Variants in ADAMTS14 observed in about 807,000 individuals in gnomAD.
The protein encoded by ADAMTS14 is A disintegrin and metalloproteinase with thrombospondin motifs 14.
In ADAMTS14, 100 loss-of-function variants were observed where a neutral mutation model predicts 128.6. The ratio of observed to expected loss-of-function variants is 0.78; its 90% CI spans 0.66 to 0.92. The LOEUF (loss-of-function observed/expected upper bound fraction) is 0.92. ADAMTS14 is among the 40% of genes least tolerant of loss of function. ADAMTS14 has a pLI of 0.00. For missense variants in ADAMTS14, 1,562 were observed against 1,658.6 expected (o/e 0.94, Z 1.01); for synonymous variants, 665 against 653.8 (o/e 1.02, Z -0.26).
chr10:70,760,497 C>A lies in ADAMTS14; in HGVS notation c.3316C>A (p.Pro1106Thr), dbSNP rs758015844. ...KASGPNPGPD[P>T]GPTSLPPFST... ...CTCGGGCCCCAACCCTGGCCCAGAC[C>A]CTGGCCCAACCTCACTGCCCCCCTT... Residue 1106 changes from proline (P) to threonine (T), a missense_variant, in exon 22 of 22, where the codon CCT becomes ACT. Physicochemically the swap from Pro to Thr is conservative, Grantham distance 38 (BLOSUM62 -1). Transcript: ENST00000373207. 1.2e-6 allele frequency: 2 copies of A among 1,613,860 alleles called. No homozygotes were observed. The highest frequency in any genetic ancestry group is 1.3e-5 in the African/African-American group (1 of 74,930).
intron 19 of ADAMTS14, 103 bp from the exon 20 acceptor site, chr10:70,757,859 G>T: frequency 6.8e-7 from 1 of 1,480,292 alleles, no homozygotes. Context: ...TACCCTTTCT[G>T]TCCCCGGGCA....
chr10:70,727,923 G>A (rs977455372), intron 4 of ADAMTS14, among the ~76,000 whole-genome samples: 25 of 151,848 alleles, frequency 1.6e-4, no homozygotes, highest in African/African-American at 4.8e-4. Flanking sequence ...GTGAAACCCC[G>A]TCTCTACTAA....
intron 10 of ADAMTS14, among the ~76,000 whole-genome samples, chr10:70,737,203 CT>C (rs1008385871): frequency 9.9e-5 from 15 of 152,184 alleles, no homozygotes; most frequent in Non-Finnish European, 8.8e-5. Context: ...TCCCCCACCC[CT>C]ATGCTGTCTC....
chr10:70,761,307 G>GA lies in ADAMTS14; in HGVS notation c.*454_*455insA, dbSNP rs1842607784. 6.3e-6 allele frequency: 1 copy of GA among 158,574 alleles called. No homozygotes were observed. The highest frequency in any genetic ancestry group is 1.4e-5 in the Non-Finnish European group (1 of 72,052). 9.8% of individuals were successfully genotyped at this position (158,574 alleles called of 1,614,324 possible). ...AGGCAAAGCAGGGCCAGGGTAGGTG[G>GA]GGGACTGTTCACAGCCAGGCCGAGA... On this transcript the variant is annotated 3_prime_UTR_variant, in exon 22 of 22. Transcript: ENST00000373207.
intron 12 of ADAMTS14, among the ~76,000 whole-genome samples, chr10:70,742,482 T>C (rs560282943): frequency 1.3e-5 from 2 of 152,322 alleles, no homozygotes; most frequent in Admixed American, 1.3e-4. Flanking sequence ...GTCTTGGAGG[T>C]TGTGGCTCCA....
At chr10:70,699,065 C>T (rs1840419538) in intron 2 of ADAMTS14, among the ~76,000 whole-genome samples, 1 of 152,110 alleles carries the variant, frequency 6.6e-6, no homozygotes, top group African/African-American at 2.4e-5. Context: ...TGTCCTTGCT[C>T]AGCAAGGTCA....
At position 70,741,030 on chromosome 10, in the gene ADAMTS14, TACCA is replaced by T; in HGVS notation, c.1793_1796del (p.Tyr598TrpfsTer50). The stretch of plus-strand genomic sequence containing the variant: ...CCTGTGCTTAGGGCCCATGTTCGAG[TACCA>T]GGTCTGCAACAGCGAGGAGTGCCCT... On this transcript the variant is annotated frameshift_variant, in exon 12 of 22. Coordinates refer to ENST00000373207, the MANE Select transcript of ADAMTS14 (RefSeq NM_080722.4). LOFTEE classifies it high-confidence loss of function. The T allele has an allele frequency of 6.2e-7, 1 of 1,614,092 alleles. No individual in the cohort carries two copies. The highest frequency in any genetic ancestry group is 8.5e-7 in the Non-Finnish European group (1 of 1,180,020).
At chr10:70,699,029 C>T (rs1464602328) in intron 2 of ADAMTS14, among the ~76,000 whole-genome samples, 1 of 152,042 alleles carries the variant, frequency 6.6e-6, no homozygotes, top group Non-Finnish European at 1.5e-5. Flanking sequence ...AGGGTTTTGC[C>T]CAGAGGTGGA....
chr10:70,717,443 A>G (rs989657419), intron 4 of ADAMTS14, among the ~76,000 whole-genome samples: 2 of 152,126 alleles, frequency 1.3e-5, no homozygotes, highest in South Asian at 4.1e-4. Context: ...GCAACAGGTG[A>G]CAGAAGCCTG....
intron 2 of ADAMTS14, among the ~76,000 whole-genome samples, chr10:70,681,746 G>A (rs1839813567): frequency 6.6e-6 from 1 of 152,200 alleles, no homozygotes; most frequent in African/African-American, 2.4e-5. Context: ...GTGGAGGCTT[G>A]GAGTCTCACT....
intron 3 of ADAMTS14, among the ~76,000 whole-genome samples, chr10:70,706,573 C>A (rs901253973): frequency 6.6e-6 from 1 of 152,216 alleles, no homozygotes; most frequent in Non-Finnish European, 1.5e-5. Flanking sequence ...ACCAGGGCCA[C>A]CAGAAGCTGC....
intron 4 of ADAMTS14, among the ~76,000 whole-genome samples, chr10:70,709,223 A>G (rs1840761756): frequency 6.6e-6 from 1 of 152,182 alleles, no homozygotes; most frequent in Non-Finnish European, 1.5e-5. Context: ...AGGAGCTGTC[A>G]ATATGTGAAG....
At chr10:70,746,598 A>G (rs1842186223) in intron 15 of ADAMTS14, among the ~76,000 whole-genome samples, 2 of 152,242 alleles carry the variant, frequency 1.3e-5, no homozygotes, top group African/African-American at 4.8e-5. Flanking sequence ...GCTTGAGCTC[A>G]GAAGTTTGAG....
intron 11 of ADAMTS14, among the ~76,000 whole-genome samples, chr10:70,739,295 AC>A (rs1841923401): frequency 6.6e-6 from 1 of 151,720 alleles, no homozygotes; most frequent in South Asian, 2.1e-4. Context: ...TCCTCTCATG[AC>A]CCCGACCCTC....
chr10:70,677,768 GATTCC>G (rs1839690375), intron 2 of ADAMTS14, among the ~76,000 whole-genome samples: 1 of 152,192 alleles, frequency 6.6e-6, no homozygotes, highest in Admixed American at 6.5e-5. Context: ...CCCAGGCTGG[GATTCC>G]TTGACTTTCC....
intron 15 of ADAMTS14, among the ~76,000 whole-genome samples, chr10:70,747,666 C>T (rs890491439): frequency 1.3e-5 from 2 of 152,214 alleles, no homozygotes; most frequent in Non-Finnish European, 2.9e-5. Flanking sequence ...GCAGAGGCTG[C>T]TAGCATCCGG....
At chr10:70,759,995 C>A (rs1040473715) in intron 21 of ADAMTS14, among the ~76,000 whole-genome samples, 3 of 152,200 alleles carry the variant, frequency 2.0e-5, no homozygotes, top group African/African-American at 7.2e-5. Flanking sequence ...CACGTGGAGT[C>A]CCCTGGAGGG....
chr10:70,712,077 C>T (rs958244662), intron 4 of ADAMTS14, among the ~76,000 whole-genome samples: 6 of 152,080 alleles, frequency 3.9e-5, no homozygotes, highest in Non-Finnish European at 5.9e-5. Flanking sequence ...AGGGAGAGGA[C>T]GCCTATGAAT....
At chr10:70,708,533 C>G (rs940470652) in intron 3 of ADAMTS14, 55 bp from the exon 4 acceptor site, 50 of 1,506,080 alleles carry the variant, frequency 3.3e-5, no homozygotes, top group Non-Finnish European at 4.5e-5. Flanking sequence ...GGCAATGTCA[C>G]AGTGACAGCC....
Sources: gnomAD v4.1 joint callset for allele counts (sites outside exome capture counted in the v4.1 genomes callset) on GRCh38, gnomAD v4.1.1 for gene constraint, MANE v1.5 for transcripts, NCBI Gene and HGNC (gene_info 2026-07-23, HGNC 2026-07-21) for gene names.